NR1H4: variants seen among roughly 807,000 people sequenced by gnomAD.
The protein encoded by NR1H4 is nuclear receptor subfamily 1 group H member 4.
Under a neutral mutation model 58.5 loss-of-function variants are expected in NR1H4, and 23 were observed. That is an observed-to-expected ratio of 0.39 (90% CI 0.28 to 0.56). The LOEUF is 0.56. NR1H4 is among the 20% of genes least tolerant of loss of function. The pLI, the probability that NR1H4 is intolerant of heterozygous loss-of-function variation, is 0.58. For missense variants in NR1H4, 487 were observed against 576.9 expected, an observed-to-expected ratio of 0.84 and a Z score of 1.60; for synonymous variants, 214 against 198.0, an observed-to-expected ratio of 1.08 and a Z score of -0.68.
chr12:100,517,186 C>A (rs901217530), intron 4 of NR1H4, among the ~76,000 whole-genome samples: 1 of 152,048 alleles, frequency 6.6e-6, no homozygotes, highest in South Asian at 2.1e-4. Flanking sequence ...GTCCCCTTCT[C>A]CCCCCATCCT....
chr12:100,487,900 C>G (rs536285643), intron 1 of NR1H4, among the ~76,000 whole-genome samples: 1 of 152,064 alleles, frequency 6.6e-6, no homozygotes, highest in East Asian at 1.9e-4. Context: ...GTGTGAACCA[C>G]TATGTCTGGC....
chr12:100,519,105 A>G (rs1003354087), intron 4 of NR1H4, among the ~76,000 whole-genome samples: 2 of 152,126 alleles, frequency 1.3e-5, no homozygotes, highest in Non-Finnish European at 2.9e-5. Context: ...ATGACTCTTA[A>G]GGGTTGGTGT....
intron 9 of NR1H4, among the ~76,000 whole-genome samples, chr12:100,553,111 G>T (rs952875333): frequency 5.3e-5 from 8 of 152,006 alleles, no homozygotes; most frequent in African/African-American, 1.9e-4. Flanking sequence ...CAATTCTCCT[G>T]CCTCAGCCTC....
chr12:100,553,365 A>T (rs904155220), intron 9 of NR1H4, among the ~76,000 whole-genome samples: 2 of 152,342 alleles, frequency 1.3e-5, no homozygotes, highest in South Asian at 2.1e-4. Context: ...ATGAATTGTG[A>T]TAAGTTGCAA....
At chr12:100,544,343 TATTC>T (rs1365106373) in intron 9 of NR1H4, among the ~76,000 whole-genome samples, 1 of 151,816 alleles carries the variant, frequency 6.6e-6, no homozygotes. Context: ...TGACAAAACT[TATTC>T]ATTTTACTGA....
intron 4 of NR1H4, among the ~76,000 whole-genome samples, chr12:100,518,656 C>T (rs1954328252): frequency 6.6e-6 from 1 of 152,048 alleles, no homozygotes; most frequent in Non-Finnish European, 1.5e-5. Context: ...AACTCTGCTA[C>T]TGGAGTGCAA....
intron 9 of NR1H4, among the ~76,000 whole-genome samples, chr12:100,558,618 T>A (rs1159093371): frequency 6.6e-6 from 1 of 152,204 alleles, no homozygotes; most frequent in Non-Finnish European, 1.5e-5. Context: ...CTTGGCCTCC[T>A]TAAGTGTTGG....
Position 100,493,260 on chromosome 12 carries a change from T to G in NR1H4, c.-54-10T>G, listed in dbSNP as rs1040833140. ...TTCCCACAGTCACAAACTATTTATT[T>G]TCCTTTCAGGAGTTTTTTTTGAAGA... On this transcript the variant is annotated splice_polypyrimidine_tract_variant and intron_variant, in intron 2 of 10. Transcript: ENST00000392986. 2.1e-4 allele frequency: 173 copies of G among 815,164 alleles called. 1 individual carries two copies. The Admixed American group carries it at 3.3e-3, about 16-fold the overall frequency. The allele number at this position is 815,164 out of a possible 1,614,324, so 50.5% of individuals were successfully genotyped here.
intron 9 of NR1H4, among the ~76,000 whole-genome samples, chr12:100,551,631 A>T (rs1409671499): frequency 6.6e-6 from 1 of 152,258 alleles, no homozygotes; most frequent in Non-Finnish European, 1.5e-5. Flanking sequence ...CATTAAAGAA[A>T]TACAAGTGAG....
intron 9 of NR1H4, among the ~76,000 whole-genome samples, chr12:100,554,392 A>AACACACACACACACAC (rs60582622): frequency 3.2e-4 from 47 of 148,104 alleles, no homozygotes; most frequent in East Asian, 1.0e-3. Context: ...ACTTGTAAAT[A>AACACACACACACACAC]ACACACACAC....
At position 100,563,728 on chromosome 12, in the gene NR1H4, C is replaced by T. The variant is rs986956205; in HGVS notation, c.*239C>T. The T allele has an allele frequency of 2.0e-6, 1 of 501,880 alleles. No individual in the cohort carries two copies. Among genetic ancestry groups the T allele is most frequent in the Non-Finnish European group, 3.5e-6 (1 of 283,938 alleles). The allele number at this position is 501,880 out of a possible 1,614,324, so 31.1% of individuals were successfully genotyped here. On this transcript the variant is annotated 3_prime_UTR_variant, in exon 11 of 11. Transcript: ENST00000392986. Reference sequence around the variant, plus strand: ...CATTCTAATTGGCAAGCCCTGTTTGCCTAATTAAATTGATTGTTACTTCAA... The same window carrying T: ...CATTCTAATTGGCAAGCCCTGTTTGTCTAATTAAATTGATTGTTACTTCAA...
intron 9 of NR1H4, among the ~76,000 whole-genome samples, chr12:100,541,605 C>CTT (rs111792361): frequency 7.0e-6 from 1 of 143,022 alleles, no homozygotes. Context: ...TTTTTCTTTT[C>CTT]TTTTTTTTTT....
intron 9 of NR1H4, among the ~76,000 whole-genome samples, chr12:100,544,355 T>A (rs1177262457): frequency 6.6e-6 from 1 of 152,006 alleles, no homozygotes; most frequent in Non-Finnish European, 1.5e-5. Context: ...TTCATTTTAC[T>A]GACAGGTCTC....
At chr12:100,551,958 G>C (rs1955212650) in intron 9 of NR1H4, among the ~76,000 whole-genome samples, 1 of 152,126 alleles carries the variant, frequency 6.6e-6, no homozygotes, top group Non-Finnish European at 1.5e-5. Context: ...AGGGAATAAT[G>C]ACAAGAAAAA....
chr12:100,481,299 A>G (rs1385728473), intron 1 of NR1H4, among the ~76,000 whole-genome samples: 1 of 152,240 alleles, frequency 6.6e-6, no homozygotes, highest in African/African-American at 2.4e-5. Flanking sequence ...TCACGGAGAA[A>G]GCATTCAACA....
intron 3 of NR1H4, among the ~76,000 whole-genome samples, chr12:100,507,993 T>C (rs74459515): frequency 0.014 from 2,102 of 152,146 alleles, 45 homozygotes; most frequent in African/African-American, 0.048. Context: ...AAAGAAGAAC[T>C]AGAAGATTAT....
chr12:100,536,480 C>G (rs1296715850), intron 6 of NR1H4, 32 bp from the exon 7 acceptor site: 2 of 1,273,426 alleles, frequency 1.6e-6, no homozygotes, highest in Admixed American at 1.7e-5. Flanking sequence ...TACACATCTT[C>G]CCTAACACCT....
intron 3 of NR1H4, chr12:100,505,959 G>A (rs1953951438): frequency 4.1e-6 from 1 of 246,676 alleles, no homozygotes; most frequent in Non-Finnish European, 7.9e-6. Context: ...ACTTTCATAT[G>A]TTCAGACCCT....
chr12:100,484,111 C>T (rs1350832509), intron 1 of NR1H4, among the ~76,000 whole-genome samples: 2 of 151,596 alleles, frequency 1.3e-5, no homozygotes, highest in African/African-American at 4.8e-5. Context: ...AAATGGATTA[C>T]ATAGATATCC....
Sources: gnomAD v4.1 joint callset for allele counts (sites outside exome capture counted in the v4.1 genomes callset) on GRCh38, gnomAD v4.1.1 for gene constraint, MANE v1.5 for transcripts, NCBI Gene and HGNC (gene_info 2026-07-23, HGNC 2026-07-21) for gene names.